NBR1: variants seen among roughly 807,000 people sequenced by gnomAD.
NBR1 encodes the protein next to BRCA1 gene 1 protein.
A neutral mutation model predicts 115.5 loss-of-function variants in NBR1; 59 were observed. That is an observed-to-expected ratio of 0.51 (90% CI 0.41 to 0.63). The LOEUF (loss-of-function observed/expected upper bound fraction) is 0.63, where lower values mean the gene tolerates loss of function less well. NBR1 is among the 30% of genes least tolerant of loss of function. The pLI is 0.00. For synonymous variants in NBR1, 373 were observed against 414.7 expected (o/e 0.90, Z 1.22); for missense variants, 1,043 against 1,150.5 (o/e 0.91, Z 1.35).
rs1031343802 is a variant in NBR1, at chr17:43,209,716, C to A, written c.2728-185C>A. The A allele has an allele frequency of 1.1e-5, 17 of 1,530,464 alleles. No homozygotes were observed. In the African/African-American group the frequency reaches 1.9e-4, roughly 17 times the overall value. 94.8% of individuals were successfully genotyped at this position (1,530,464 alleles called of 1,614,324 possible). A position where few individuals can be genotyped will look rare whatever the true frequency, so the allele number is the denominator to read the frequency against. ...CACAGATAACTAATCTAAAATAGGG[C>A]CTTCCCAGTCCGAACCGTTGGTATC... On this transcript the variant is annotated intron_variant, in intron 20 of 20. Coordinates refer to ENST00000590996, the MANE Select transcript of NBR1 (RefSeq NM_005899.5).
intron 2 of NBR1, among the ~76,000 whole-genome samples, chr17:43,177,272 A>G (rs2056540343): frequency 1.5e-5 from 1 of 64,660 alleles, no homozygotes; most frequent in Admixed American, 1.7e-4. Context: ...GACCCATCTC[A>G]AAAAAAAAAA....
intron 5 of NBR1, among the ~76,000 whole-genome samples, chr17:43,184,877 T>G (rs2056762340): frequency 6.6e-6 from 1 of 151,100 alleles, no homozygotes; most frequent in South Asian, 2.1e-4. Context: ...GATCACGAGG[T>G]CAAGAGATTG....
At chr17:43,184,997 G>A (rs1205122448) in intron 5 of NBR1, among the ~76,000 whole-genome samples, 1 of 151,764 alleles carries the variant, frequency 6.6e-6, no homozygotes, top group Non-Finnish European at 1.5e-5. Context: ...GCTGAGGCAG[G>A]AGAATCGCTT....
chr17:43,189,196 C>G, intron 7 of NBR1, 77 bp downstream of exon 7: 1 of 1,072,588 alleles, frequency 9.3e-7, no homozygotes, highest in Non-Finnish European at 1.5e-6. Flanking sequence ...AAAACTGAAC[C>G]CAGGTGGCTG....
Position 43,194,454 on chromosome 17 carries a change from T to G in NBR1, c.1629T>G (p.Ser543Arg), listed in dbSNP as rs2057021208. Reference sequence around the variant, plus strand: ...CACAGAAGGCAAAAAATGTTGCCAGTGAGAGGGAGCTCTACATCCCATCTG... The same window carrying G: ...CACAGAAGGCAAAAAATGTTGCCAGGGAGAGGGAGCTCTACATCCCATCTG... ...CIPQKAKNVA[S>R]ERELYIPSVD... The change falls in exon 13 of 21, where the codon AGT becomes AGG. Residue 543 changes from serine (S) to arginine (R), a missense_variant. Coordinates refer to ENST00000590996, the MANE Select transcript of NBR1 (RefSeq NM_005899.5). 1 of 1,613,886 alleles carries G rather than the reference T, an allele frequency of 6.2e-7. No individual in the cohort carries two copies. The highest frequency in any genetic ancestry group is 8.5e-7 in the Non-Finnish European group (1 of 1,179,846).
chr17:43,175,104 A>G (rs971769622), intron 1 of NBR1, among the ~76,000 whole-genome samples: 3 of 152,164 alleles, frequency 2.0e-5, no homozygotes, highest in Admixed American at 6.5e-5. Context: ...CGTCTCAAAA[A>G]TAAATAAATA....
rs567598654 is a variant in NBR1 at position 43,207,076 on chromosome 17, G to GA, written c.2728-2820dup. 1.9e-3 allele frequency among the ~76,000 whole-genome samples: 286 copies of GA among 152,188 alleles called. 3 individuals are homozygous for GA. The highest frequency in any genetic ancestry group is 6.4e-3 in the African/African-American group (267 of 41,520). ...CCAGACACTATCTTGGGGTGGAGGG[G>GA]AAAAAGTCAAGGATAAATCCCAAGT... On this transcript the variant is annotated intron_variant, in intron 20 of 20. Coordinates refer to ENST00000590996, the MANE Select transcript of NBR1 (RefSeq NM_005899.5).
At position 43,193,268 on chromosome 17, in the gene NBR1, A is replaced by G. The variant is rs767184388; in HGVS notation, c.1233+15A>G. 3.1e-6 allele frequency: 5 copies of G among 1,613,728 alleles called. No individual in the cohort carries two copies. Among genetic ancestry groups the G allele is most frequent in the Non-Finnish European group, 4.2e-6 (5 of 1,179,778 alleles). On this transcript the variant is annotated intron_variant, in intron 11 of 20. Transcript: ENST00000590996. ...CAGACACAAAGGTAATTTTTCCCAC[A>G]AAATGCAAAGATGAGGTGATTTGAA...
chr17:43,203,572 A>T, intron 19 of NBR1, 109 bp from the exon 20 acceptor site: 1 of 644,960 alleles, frequency 1.6e-6, no homozygotes, highest in South Asian at 2.1e-5. Flanking sequence ...TTTTCCATCT[A>T]ATTTTTTCTC....
rs8482 is a variant in NBR1 at position 43,209,941 on chromosome 17, A to G, written c.2768A>G (p.His923Arg). 0.34 allele frequency: 546,988 copies of G among 1,602,308 alleles called. 95,394 individuals are homozygous for G. Among genetic ancestry groups the G allele is most frequent in the South Asian group, 0.5 (45,024 of 89,808 alleles). ...SEDQTAALMA[H>R]LFEMGFCDRQ... is the part of the protein sequence containing the mutation. ...GATCAGACAGCAGCCCTGATGGCCCATCTCTTTGAAATGGGATTCTGTGAC... is the reference window on the plus strand; with the variant it reads ...GATCAGACAGCAGCCCTGATGGCCCGTCTCTTTGAAATGGGATTCTGTGAC... Residue 923 changes from histidine to arginine, a missense_variant, in exon 21 of 21, where the codon CAT becomes CGT. Physicochemically the swap from His to Arg is conservative, Grantham distance 29 (BLOSUM62 0). Transcript: ENST00000590996.
intron 3 of NBR1, among the ~76,000 whole-genome samples, chr17:43,178,742 A>T (rs2056590431): frequency 6.6e-6 from 1 of 151,326 alleles, no homozygotes; most frequent in African/African-American, 2.4e-5. Context: ...CACTTAGTTT[A>T]TAATAATACA....
intron 20 of NBR1, among the ~76,000 whole-genome samples, chr17:43,204,139 C>T (rs998016701): frequency 5.3e-5 from 8 of 151,916 alleles, no homozygotes; most frequent in South Asian, 2.1e-4. Context: ...GATGTTTCAC[C>T]GTGTTAGCCA....
intron 8 of NBR1, chr17:43,190,091 GCCTT>G: frequency 3.1e-6 from 1 of 326,882 alleles, no homozygotes; most frequent in South Asian, 3.9e-5. Context: ...TGTTCCAAAT[GCCTT>G]TTTTTTTTTT....
intron 9 of NBR1, among the ~76,000 whole-genome samples, 165 bp from the exon 10 acceptor site, chr17:43,191,207 T>TTGTC (rs1412242907): frequency 2.6e-5 from 4 of 152,090 alleles, no homozygotes; most frequent in Non-Finnish European, 4.4e-5. Flanking sequence ...GGAGCCATGA[T>TTGTC]TAGACCACTG....
At chr17:43,178,679 G>A (rs1252271935) in intron 3 of NBR1, among the ~76,000 whole-genome samples, 2 of 151,304 alleles carry the variant, frequency 1.3e-5, no homozygotes, top group Non-Finnish European at 2.9e-5. Context: ...ACCTGGCCAA[G>A]ATAACTTTTA....
chr17:43,197,174 G>A (rs1354130426), intron 16 of NBR1, 68 bp downstream of exon 16: 1 of 1,404,968 alleles, frequency 7.1e-7, no homozygotes, highest in African/African-American at 1.4e-5. Context: ...GACTTGACTA[G>A]TTAGATGTGC....
intron 2 of NBR1, chr17:43,176,398 T>C (rs555043771): frequency 1.3e-5 from 2 of 152,608 alleles, no homozygotes; most frequent in African/African-American, 2.4e-5. Context: ...TGTTCCGTTT[T>C]TTTGCTAAGG....
intron 16 of NBR1, among the ~76,000 whole-genome samples, chr17:43,197,716 C>G (rs2057102360): frequency 6.6e-6 from 1 of 152,156 alleles, no homozygotes; most frequent in East Asian, 1.9e-4. Flanking sequence ...AAGGAATCTT[C>G]CTGTAATTTG....
At chr17:43,209,563 T>C (rs2057378066) in intron 20 of NBR1, 2 of 1,534,810 alleles carry the variant, frequency 1.3e-6, no homozygotes. Context: ...ACAGGGTCTC[T>C]GGGGCTTGCT....
Sources: allele counts gnomAD v4.1 joint callset (sites outside exome capture counted in the v4.1 genomes callset), GRCh38; gene constraint gnomAD v4.1.1; transcripts MANE v1.5; gene names NCBI Gene and HGNC (gene_info 2026-07-23, HGNC 2026-07-21).